The following WHRN variants were observed in gnomAD, a reference collection of about 807,000 sequenced individuals.
WHRN encodes the protein CASK-interacting protein CIP98.
WHRN carries 41 observed loss-of-function variants against 68.3 expected under a neutral mutation model. The observed-to-expected ratio is 0.60, with a 90% CI of 0.47 to 0.78. WHRN has a LOEUF of 0.78. Ranked by LOEUF, WHRN falls within the 30% of genes least tolerant of loss-of-function variation. The pLI is 0.00. For missense variants in WHRN, 1,243 were observed against 1,244.7 expected, an observed-to-expected ratio of 1.00 and a Z score of 0.02; for synonymous variants, 560 against 561.3, an observed-to-expected ratio of 1.00 and a Z score of 0.03.
intron 7 of WHRN, among the ~76,000 whole-genome samples, chr9:114,413,846 TC>T (rs1835629595): frequency 1.3e-5 from 2 of 152,210 alleles, no homozygotes; most frequent in Admixed American, 1.3e-4. Flanking sequence ...AGTCACTGCC[TC>T]CTTGTAACCA....
intron 3 of WHRN, among the ~76,000 whole-genome samples, chr9:114,459,732 T>G (rs1840095112): frequency 6.6e-6 from 1 of 152,184 alleles, no homozygotes; most frequent in Admixed American, 6.5e-5. Context: ...ATCCACACAG[T>G]CACTGAAACA....
At chr9:114,475,051 G>A (rs370846250) in intron 2 of WHRN, among the ~76,000 whole-genome samples, 95 of 152,262 alleles carry the variant, frequency 6.2e-4, no homozygotes, top group African/African-American at 2.1e-3. Context: ...CACTGTTGGT[G>A]GGAATGTAAC....
In WHRN at chr9:114,478,698, T is replaced by C. The variant is rs567613374; in HGVS notation, c.692A>G (p.Asn231Ser). 3.7e-6 allele frequency: 6 copies of C among 1,607,344 alleles called. No homozygotes were observed. The South Asian group carries it at 4.4e-5, about 12-fold the overall frequency. Residue 231 changes from asparagine to serine, a missense_variant, in exon 2 of 12, where the codon AAC (asparagine) becomes AGC (serine). Transcript: ENST00000362057. ...CGGGTCCACCCAGGTGTAGATGTGGTTGGTGACGTAGCCCCCAGGGATGCG... is the reference window on the plus strand; with the variant it reads ...CGGGTCCACCCAGGTGTAGATGTGGCTGGTGACGTAGCCCCCAGGGATGCG... The part of the protein sequence containing the change: ...AGRIPGGYVT[N>S]HIYTWVDPQG...
At chr9:114,447,113 A>G (rs1265754090) in intron 3 of WHRN, among the ~76,000 whole-genome samples, 3 of 152,162 alleles carry the variant, frequency 2.0e-5, no homozygotes, top group Non-Finnish European at 4.4e-5. Flanking sequence ...TTTCTGGCTC[A>G]TGTTTACATG....
intron 2 of WHRN, among the ~76,000 whole-genome samples, chr9:114,468,061 G>C (rs959436690): frequency 6.6e-6 from 1 of 152,218 alleles, no homozygotes; most frequent in Non-Finnish European, 1.5e-5. Context: ...GTGAACAAGA[G>C]AGACTCAAGT....
chr9:114,490,804 C>T (rs986983213), intron 1 of WHRN, among the ~76,000 whole-genome samples: 1 of 152,212 alleles, frequency 6.6e-6, no homozygotes, highest in African/African-American at 2.4e-5. Flanking sequence ...AATAATGCTA[C>T]AAGAAATTTG....
chr9:114,494,304 G>T (rs912088969), intron 1 of WHRN, among the ~76,000 whole-genome samples: 2 of 152,228 alleles, frequency 1.3e-5, no homozygotes, highest in Non-Finnish European at 2.9e-5. Context: ...ACAGGAGTTT[G>T]AACATGGTAA....
chr9:114,480,009 G>A (rs1841974831), intron 1 of WHRN, among the ~76,000 whole-genome samples: 1 of 152,204 alleles, frequency 6.6e-6, no homozygotes, highest in African/African-American at 2.4e-5. Flanking sequence ...GTTGCAGTGA[G>A]CTGAGATCGT....
At chr9:114,428,184 C>G (rs969022381) in intron 3 of WHRN, among the ~76,000 whole-genome samples, 1 of 152,038 alleles carries the variant, frequency 6.6e-6, no homozygotes, top group African/African-American at 2.4e-5. Flanking sequence ...AAAAATTAGC[C>G]CGGCGAGGTG....
intron 1 of WHRN, among the ~76,000 whole-genome samples, chr9:114,498,255 C>A (rs1048577004): frequency 6.6e-6 from 1 of 152,088 alleles, no homozygotes; most frequent in African/African-American, 2.4e-5. Flanking sequence ...GGAGGCAGAC[C>A]ATAAAAAGAC....
chr9:114,442,593 T>G lies in WHRN; in HGVS notation c.964-16180A>C, dbSNP rs117132693. 2.1e-3 allele frequency among the ~76,000 whole-genome samples: 322 copies of G among 152,284 alleles called. 9 individuals are homozygous for G. In the South Asian group the frequency reaches 0.034, roughly 16 times the overall value. On this transcript the variant is annotated intron_variant, in intron 3 of 11. Transcript: ENST00000362057. ...GGCCTAGTGGGAGGTGTCTGGGTCA[T>G]GGGGGTGGATCCCTCATAAACGGCT... is the stretch of plus-strand genomic sequence containing the variant.
At chr9:114,499,667 G>A (rs761176085) in intron 1 of WHRN, among the ~76,000 whole-genome samples, 3 of 152,264 alleles carry the variant, frequency 2.0e-5, no homozygotes, top group Non-Finnish European at 4.4e-5. Context: ...AGCTTGAGCA[G>A]TCAGGCACAT....
In WHRN at chr9:114,406,800, G is replaced by T. The variant is rs770215979; in HGVS notation, c.1791C>A (p.Gly597=). 4 of 1,613,332 alleles carry T rather than the reference G, an allele frequency of 2.5e-6. No homozygotes were observed. The Admixed American group carries it at 6.7e-5, about 27-fold the overall frequency. Residue 597 remains glycine (G), a synonymous_variant, in exon 9 of 12, where the codon GGC becomes GGA. Transcript: ENST00000362057. ...CCTCTCTCCCCAGCTTCCTTGGCTG[G>T]CCTAGTGGGAGGTCGTTGCCTTGGG... The part of the protein sequence containing the change: ...PLAQGNDLPL[G]QPRKLGREDL...
chr9:114,492,224 C>G (rs1288450091), intron 1 of WHRN, among the ~76,000 whole-genome samples: 1 of 152,058 alleles, frequency 6.6e-6, no homozygotes, highest in East Asian at 1.9e-4. Context: ...AGTCTGGCAA[C>G]AGTTAATCAG....
rs977351391 is a variant in WHRN, at chr9:114,504,749, A to G, written c.53T>C (p.Leu18Pro). 1.3e-6 allele frequency: 2 copies of G among 1,507,862 alleles called. No individual in the cohort carries two copies. The highest frequency in any genetic ancestry group is 1.8e-6 in the Non-Finnish European group (2 of 1,137,846). 93.4% of individuals were successfully genotyped at this position (1,507,862 alleles called of 1,614,324 possible). A position where few individuals can be genotyped will look rare whatever the true frequency, so the allele number is the denominator to read the frequency against. ...LSVSSSSTGSLGSAAGAGGGG... is the reference protein window; with the variant it reads ...LSVSSSSTGSPGSAAGAGGGG... Reference sequence around the variant, plus strand: ...GCCGCCCGCCCCGGCCGCCGAGCCCAGCGAGCCGGTGGAGGACGAGCTCAC... The same window carrying G: ...GCCGCCCGCCCCGGCCGCCGAGCCCGGCGAGCCGGTGGAGGACGAGCTCAC... Residue 18 changes from leucine (L) to proline (P), a missense_variant, in exon 1 of 12, where the codon CTG (leucine) becomes CCG (proline). Coordinates refer to ENST00000362057, the MANE Select transcript of WHRN (RefSeq NM_015404.4).
intron 7 of WHRN, among the ~76,000 whole-genome samples, chr9:114,411,299 C>T (rs1016740277): frequency 6.6e-6 from 1 of 152,182 alleles, no homozygotes; most frequent in Admixed American, 6.5e-5. Flanking sequence ...GATTGACATG[C>T]ATTCACTTCC....
intron 3 of WHRN, among the ~76,000 whole-genome samples, chr9:114,444,269 C>A (rs1254991486): frequency 6.6e-6 from 1 of 152,136 alleles, no homozygotes; most frequent in African/African-American, 2.4e-5. Context: ...AATTTTACTG[C>A]TAGGAATTAA....
At chr9:114,471,654 G>A (rs754464114) in intron 2 of WHRN, among the ~76,000 whole-genome samples, 3 of 152,194 alleles carry the variant, frequency 2.0e-5, no homozygotes, top group East Asian at 1.9e-4. Context: ...ACGGAGCCTC[G>A]ACTAGGTCCA....
At chr9:114,464,441 G>A (rs1163409966) in intron 3 of WHRN, among the ~76,000 whole-genome samples, 4 of 152,172 alleles carry the variant, frequency 2.6e-5, no homozygotes, top group African/African-American at 9.7e-5. Flanking sequence ...TTCATAGACT[G>A]TGCCTTCTTA....
Sources: allele counts gnomAD v4.1 joint callset (sites outside exome capture counted in the v4.1 genomes callset), GRCh38; gene constraint gnomAD v4.1.1; transcripts MANE v1.5; gene names NCBI Gene and HGNC (gene_info 2026-07-23, HGNC 2026-07-21).